C14orf39: variants seen among roughly 807,000 people sequenced by gnomAD.
The protein encoded by C14orf39 is chromosome 14 open reading frame 39, also known as protein SIX6OS1.
A neutral mutation model predicts 85.6 loss-of-function variants in C14orf39; 66 were observed. The ratio of observed to expected loss-of-function variants is 0.77; its 90% CI spans 0.63 to 0.95. The LOEUF (loss-of-function observed/expected upper bound fraction) is 0.95. Among genes scored for constraint, C14orf39 ranks in the 40% least tolerant of loss-of-function variants. The pLI, the probability that C14orf39 is intolerant of heterozygous loss-of-function variation, is 0.00. For synonymous variants in C14orf39, 242 were observed against 214.0 expected, an observed-to-expected ratio of 1.13 and a Z score of -1.14; for missense variants, 735 against 663.9, an observed-to-expected ratio of 1.11 and a Z score of -1.18.
chr14:60,509,272 G>A (rs996664634), intron 1 of C14orf39: 53 of 825,500 alleles, frequency 6.4e-5, no homozygotes, highest in South Asian at 3.9e-4. Context: ...GCCGCCACCC[G>A]GTAGTGTGTC....
Position 60,484,803 on chromosome 14 carries a change from C to G in C14orf39, c.106+78G>C. ...AGTTATAACGCCAACAATAAGTTGC[C>G]CTAAACAGAGCAATTGTATGTTATA... On this transcript the variant is annotated intron_variant, in intron 3 of 17. Transcript: ENST00000321731. This position sits in a 1 kb window ranked among gnomAD's most constrained non-coding sequence, Gnocchi z 4.2. The G allele has an allele frequency of 1.9e-6, 2 of 1,033,972 alleles. No homozygotes were observed. Among genetic ancestry groups the G allele is most frequent in the South Asian group, 2.9e-5 (2 of 69,890 alleles). The allele number at this position is 1,033,972 out of a possible 1,614,324, so 64.0% of individuals were successfully genotyped here.
intron 1 of C14orf39, chr14:60,511,303 A>T: frequency 6.3e-7 from 1 of 1,588,384 alleles, no homozygotes; most frequent in East Asian, 2.2e-5. Context: ...AAACGAGAAA[A>T]ACAAAATGAA....
intron 17 of C14orf39, among the ~76,000 whole-genome samples, chr14:60,440,590 G>A (rs1890462868): frequency 6.6e-6 from 1 of 152,078 alleles, no homozygotes; most frequent in African/African-American, 2.4e-5. Context: ...TTTCCATACA[G>A]TCTGTTCTCC....
chr14:60,509,302 C>G, intron 1 of C14orf39: 4 of 1,080,220 alleles, frequency 3.7e-6, no homozygotes, highest in Admixed American at 3.5e-5. Context: ...CAATCCGCCT[C>G]ATCAACAAGC....
intron 16 of C14orf39, among the ~76,000 whole-genome samples, chr14:60,447,548 A>G (rs923935825): frequency 6.6e-5 from 10 of 152,224 alleles, no homozygotes; most frequent in African/African-American, 2.4e-4. Flanking sequence ...AAAAGAGGAC[A>G]CAAACAAATG....
At chr14:60,437,268 T>C (rs373316642) in intron 17 of C14orf39, among the ~76,000 whole-genome samples, 15 of 152,054 alleles carry the variant, frequency 9.9e-5, no homozygotes, top group Admixed American at 5.2e-4. Flanking sequence ...TTCAAGTAAT[T>C]TGAACTCTAG....
upstream of C14orf39, among the ~76,000 whole-genome samples, chr14:60,488,163 C>T (rs1035677267): frequency 6.6e-6 from 1 of 152,120 alleles, no homozygotes; most frequent in South Asian, 2.1e-4. Flanking sequence ...TAGTCTACTT[C>T]AATTTAACAC....
At chr14:60,508,635 G>A (rs1893240418) in intron 1 of C14orf39, among the ~76,000 whole-genome samples, 2 of 152,232 alleles carry the variant, frequency 1.3e-5, no homozygotes, top group Admixed American at 6.5e-5. Context: ...CTGGAAAGGG[G>A]AAGAGGGAGG....
At chr14:60,468,735 A>G (rs1280734772) in intron 8 of C14orf39, among the ~76,000 whole-genome samples, 199 bp from the exon 9 acceptor site, 1 of 151,638 alleles carries the variant, frequency 6.6e-6, no homozygotes, top group South Asian at 2.1e-4. Context: ...TTACAATTCC[A>G]TTGGCAAATG....
intron 2 of C14orf39, chr14:60,496,122 A>C (rs1893066416): frequency 1.9e-6 from 1 of 525,914 alleles, no homozygotes; most frequent in African/African-American, 1.9e-5. Context: ...AGCTGCAGAA[A>C]CCTGCTGGAA....
At chr14:60,507,353 T>C (rs772250803) in intron 1 of C14orf39, among the ~76,000 whole-genome samples, 7 of 152,196 alleles carry the variant, frequency 4.6e-5, no homozygotes, top group Admixed American at 3.3e-4. Context: ...TTCGGGGCCC[T>C]TGTATCCGAT....
upstream of C14orf39, among the ~76,000 whole-genome samples, chr14:60,486,251 G>A (rs1320708573): frequency 6.6e-6 from 1 of 152,238 alleles, no homozygotes; most frequent in Non-Finnish European, 1.5e-5. Flanking sequence ...AGTGGGTGCT[G>A]GAGTTAGAGG....
intron 14 of C14orf39, 73 bp from the exon 15 acceptor site, chr14:60,457,168 G>A: frequency 1.1e-6 from 1 of 932,318 alleles, no homozygotes; most frequent in African/African-American, 1.7e-5. Context: ...AAATGCATGA[G>A]GTGGAAAATA....
chr14:60,483,619 G>A, intron 4 of C14orf39, 72 bp downstream of exon 4: 1 of 1,309,988 alleles, frequency 7.6e-7, no homozygotes, highest in Non-Finnish European at 1.0e-6. Flanking sequence ...TTTGAAGGAA[G>A]TATCTTCAAC....
intron 11 of C14orf39, among the ~76,000 whole-genome samples, chr14:60,464,419 A>G (rs552824654): frequency 1.3e-5 from 2 of 152,086 alleles, no homozygotes; most frequent in African/African-American, 4.8e-5. Context: ...GCCAAACTCA[A>G]CTCCTAAACT....
intron 15 of C14orf39, among the ~76,000 whole-genome samples, chr14:60,455,548 G>A (rs1014544164): frequency 6.6e-6 from 1 of 152,070 alleles, no homozygotes; most frequent in Non-Finnish European, 1.5e-5. Context: ...GATTTTGAAT[G>A]CCAGTTACAA....
Position 60,467,461 on chromosome 14 carries a change from C to T in C14orf39, c.768-417G>A, listed in dbSNP as rs117257443. On this transcript the variant is annotated intron_variant, in intron 9 of 17. Coordinates refer to ENST00000321731, the MANE Select transcript of C14orf39 (RefSeq NM_174978.3). Reference sequence around the variant, plus strand: ...GAAATTGTTAAAACAGTATTATAATCATAAATGGGTCTTTTAAGTTTTTTA... The same window carrying T: ...GAAATTGTTAAAACAGTATTATAATTATAAATGGGTCTTTTAAGTTTTTTA... Among the ~76,000 whole-genome samples, 1,338 of 151,882 alleles carry T rather than the reference C, an allele frequency of 8.8e-3. 8 individuals are homozygous for T. Among genetic ancestry groups the T allele is most frequent in the Non-Finnish European group, 0.013 (893 of 67,794 alleles).
intron 1 of C14orf39, among the ~76,000 whole-genome samples, chr14:60,501,788 G>A (rs1245525179): frequency 6.6e-6 from 1 of 152,190 alleles, no homozygotes; most frequent in Non-Finnish European, 1.5e-5. Context: ...GGCATCAAAA[G>A]ATTATGAGAC....
At chr14:60,451,927 A>C (rs1302119899) in intron 16 of C14orf39, among the ~76,000 whole-genome samples, 2 of 152,042 alleles carry the variant, frequency 1.3e-5, no homozygotes, top group Non-Finnish European at 2.9e-5. Flanking sequence ...TCACGCCTGT[A>C]ATCCCAGCAC....
Sources: allele counts gnomAD v4.1 joint callset (sites outside exome capture counted in the v4.1 genomes callset), GRCh38; gene constraint gnomAD v4.1.1; non-coding constraint Gnocchi (gnomAD v3.1); transcripts MANE v1.5; gene names NCBI Gene and HGNC (gene_info 2026-07-23, HGNC 2026-07-21).